The following FLACC1 variants were observed in gnomAD, a reference collection of about 807,000 sequenced individuals.
The protein encoded by FLACC1 is flagellum-associated coiled-coil domain-containing protein 1.
In FLACC1, 66 loss-of-function variants were observed where a neutral mutation model predicts 62.8. That is an observed-to-expected ratio of 1.05 (90% confidence interval 0.86 to 1.29). The LOEUF is 1.29. Ranked by LOEUF, FLACC1 falls within the 50% of genes most tolerant of loss-of-function variation. FLACC1 has a pLI of 0.00. For missense variants in FLACC1, 452 were observed against 489.1 expected (o/e 0.92, Z 0.71); for synonymous variants, 156 against 161.0 (o/e 0.97, Z 0.24).
intron 1 of FLACC1, among the ~76,000 whole-genome samples, chr2:201,354,724 T>C (rs1027159139): frequency 2.0e-5 from 3 of 152,212 alleles, no homozygotes; most frequent in Non-Finnish European, 4.4e-5. Context: ...ATCTGCTTCC[T>C]GTACGAAAGG....
intron 9 of FLACC1, among the ~76,000 whole-genome samples, chr2:201,324,715 C>T (rs1171187491): frequency 6.6e-6 from 1 of 152,134 alleles, no homozygotes; most frequent in Non-Finnish European, 1.5e-5. Context: ...ATCCTCAAAA[C>T]TATACAGATA....
At chr2:201,290,656 T>A (rs184540534) in intron 12 of FLACC1, among the ~76,000 whole-genome samples, 152 of 152,210 alleles carry the variant, frequency 1.0e-3, no homozygotes, top group African/African-American at 3.5e-3. Context: ...CGTGTTCATC[T>A]CACTGGGGAT....
chr2:201,351,220 T>C, intron 2 of FLACC1, 72 bp downstream of exon 2: 1 of 1,314,886 alleles, frequency 7.6e-7, no homozygotes, highest in Middle Eastern at 1.9e-4. Context: ...GTTTTAGAAA[T>C]CTTGTGAGAG....
At chr2:201,309,403 C>T (rs755123784) in intron 9 of FLACC1, among the ~76,000 whole-genome samples, 153 bp from the exon 10 acceptor site, 14 of 152,132 alleles carry the variant, frequency 9.2e-5, no homozygotes, top group Non-Finnish European at 1.6e-4. Context: ...TTACCTGGGG[C>T]CCTCACTGAG....
upstream of FLACC1, among the ~76,000 whole-genome samples, chr2:201,358,668 C>T (rs1016445875): frequency 3.9e-5 from 6 of 152,034 alleles, no homozygotes; most frequent in Non-Finnish European, 5.9e-5. Context: ...CCGCCCGCCT[C>T]GGCCTCCCAA....
upstream of FLACC1, among the ~76,000 whole-genome samples, chr2:201,357,888 T>C (rs903611155): frequency 2.6e-5 from 4 of 152,200 alleles, no homozygotes; most frequent in African/African-American, 9.6e-5. Flanking sequence ...ATTTTAGTTT[T>C]ACTGCCACTC....
chr2:201,333,359 G>T (rs1950630688), intron 7 of FLACC1, among the ~76,000 whole-genome samples: 1 of 152,014 alleles, frequency 6.6e-6, no homozygotes, highest in South Asian at 2.1e-4. Flanking sequence ...CTTCTTTTGA[G>T]AAATGTCTAT....
At chr2:201,290,678 G>A (rs1335507864) in intron 12 of FLACC1, among the ~76,000 whole-genome samples, 1 of 152,158 alleles carries the variant, frequency 6.6e-6, no homozygotes, top group Non-Finnish European at 1.5e-5. Flanking sequence ...GTCAGACAGT[G>A]GGTGCAGTAC....
At chr2:201,343,248 T>C (rs140903485) in intron 6 of FLACC1, among the ~76,000 whole-genome samples, 1 of 152,340 alleles carries the variant, frequency 6.6e-6, no homozygotes, top group Non-Finnish European at 1.5e-5. Context: ...TCTCTAAATA[T>C]GTCTTCAGCA....
At chr2:201,299,962 T>C (rs545333143) in intron 11 of FLACC1, among the ~76,000 whole-genome samples, 21 of 152,144 alleles carry the variant, frequency 1.4e-4, no homozygotes, top group African/African-American at 5.1e-4. Flanking sequence ...GATGGCCAAA[T>C]AGGAACACCT....
chr2:201,330,895 AC>A lies in FLACC1; in HGVS notation c.525-63del, dbSNP rs950778388. 4 of 1,367,654 alleles carry A rather than the reference AC, an allele frequency of 2.9e-6. No homozygotes were observed. The Admixed American group carries it at 7.8e-5, about 27-fold the overall frequency. The allele number at this position is 1,367,654 out of a possible 1,614,324, so 84.7% of individuals were successfully genotyped here. ...AAAAGAAGTCCAGAGCTGAGCTGTT[AC>A]CCTGATCTGATCCTACCCTCCACCC... On this transcript the variant is annotated intron_variant, in intron 7 of 14. Transcript: ENST00000392257.
At chr2:201,295,441 GA>G (rs1949837905) in intron 12 of FLACC1, among the ~76,000 whole-genome samples, 1 of 152,140 alleles carries the variant, frequency 6.6e-6, no homozygotes, top group African/African-American at 2.4e-5. Flanking sequence ...ATGGTGCTTG[GA>G]AAACTGGCTA....
Position 201,348,313 on chromosome 2 carries a change from A to G in FLACC1, c.186-11T>C. 1 of 1,611,500 alleles carries G rather than the reference A, an allele frequency of 6.2e-7. No homozygotes were observed. The highest frequency in any genetic ancestry group is 1.7e-5 in the Admixed American group (1 of 59,886). On this transcript the variant is annotated splice_polypyrimidine_tract_variant and intron_variant, in intron 3 of 14. Transcript: ENST00000392257. ...GAATGGATTTTCATTCTGCAAGAGA[A>G]AGACATGCTCAGAAAGCAACCAGAC...
In FLACC1 at chr2:201,346,820, T is replaced by G; in HGVS notation, c.235-145A>C. 1.0e-6 allele frequency: 1 copy of G among 966,582 alleles called. No individual in the cohort carries two copies. 59.9% of individuals were successfully genotyped at this position (966,582 alleles called of 1,614,324 possible). Reference sequence around the variant, plus strand: ...GCCCTTCTGGGCCCTTCACCCATTATAGCTCATTCTCACATCTCTCCGACT... The same window carrying G: ...GCCCTTCTGGGCCCTTCACCCATTAGAGCTCATTCTCACATCTCTCCGACT... On this transcript the variant is annotated intron_variant, in intron 4 of 14. Coordinates refer to ENST00000392257, the MANE Select transcript of FLACC1 (RefSeq NM_001127391.3). The surrounding 1 kb of genome is among the most constrained non-coding windows in gnomAD (Gnocchi z 4.0).
At chr2:201,309,305 G>A in intron 9 of FLACC1, 55 bp from the exon 10 acceptor site, 1 of 1,370,602 alleles carries the variant, frequency 7.3e-7, no homozygotes, top group South Asian at 1.2e-5. Flanking sequence ...AAGGTGACCT[G>A]GAGAGGCTGT....
intron 9 of FLACC1, among the ~76,000 whole-genome samples, chr2:201,316,074 A>G (rs1950301927): frequency 6.6e-6 from 1 of 152,122 alleles, no homozygotes; most frequent in Non-Finnish European, 1.5e-5. Context: ...GAGGAAAGCT[A>G]AAAGCCCTAA....
At chr2:201,313,094 A>T (rs1447680537) in intron 9 of FLACC1, among the ~76,000 whole-genome samples, 2 of 152,206 alleles carry the variant, frequency 1.3e-5, no homozygotes, top group African/African-American at 4.8e-5. Context: ...GCCATTTCTG[A>T]CTTGTCTCAC....
At chr2:201,348,010 T>C in intron 4 of FLACC1, 1 of 354,258 alleles carries the variant, frequency 2.8e-6, no homozygotes, top group South Asian at 4.0e-5. Context: ...GACACTCTGT[T>C]TGTCTTGTGC....
chr2:201,344,124 AT>A (rs1204408041), intron 6 of FLACC1, 45 bp downstream of exon 6: 3 of 1,514,422 alleles, frequency 2.0e-6, no homozygotes, highest in South Asian at 2.3e-5. Flanking sequence ...AAAAATATTA[AT>A]TTTATTTTGT....
Sources: gnomAD v4.1 joint callset for allele counts (sites outside exome capture counted in the v4.1 genomes callset) on GRCh38, gnomAD v4.1.1 for gene constraint, Gnocchi (gnomAD v3.1) non-coding constraint, MANE v1.5 for transcripts, NCBI Gene and HGNC (gene_info 2026-07-23, HGNC 2026-07-21) for gene names.